The following FAM13B variants were observed in gnomAD, a reference collection of about 807,000 sequenced individuals.
FAM13B encodes protein FAM13B.
In FAM13B, 60 loss-of-function variants were observed where a neutral mutation model predicts 117.3. That is an observed-to-expected ratio of 0.51 (90% CI 0.42 to 0.63). FAM13B has a LOEUF of 0.63. FAM13B is among the 30% of genes least tolerant of loss of function. The pLI, the probability that FAM13B is intolerant of heterozygous loss-of-function variation, is 0.00. For synonymous variants in FAM13B, 332 were observed against 356.1 expected (o/e 0.93, Z 0.76); for missense variants, 972 against 1,091.9 (o/e 0.89, Z 1.55).
rs374850744 is a variant in FAM13B, at chr5:137,958,545, C to G, written c.1441+1071G>C. Among the ~76,000 whole-genome samples, 98 of 152,240 alleles carry G rather than the reference C, an allele frequency of 6.4e-4. 2 individuals carry two copies. In the East Asian group the frequency reaches 0.016, roughly 25 times the overall value. ...GTCCGTGGCACTGGCATTAGAATTCCTGTTATTGCCAGTGTATGTCAACAG... is the reference window on the plus strand; with the variant it reads ...GTCCGTGGCACTGGCATTAGAATTCGTGTTATTGCCAGTGTATGTCAACAG... On this transcript the variant is annotated intron_variant, in intron 13 of 23. Transcript: ENST00000689681.
In FAM13B at chr5:137,959,625, T is replaced by C. The variant is rs1246534462; in HGVS notation, c.1432A>G (p.Lys478Glu). 1 of 1,613,836 alleles carries C rather than the reference T, an allele frequency of 6.2e-7. No individual in the cohort carries two copies. The highest frequency in any genetic ancestry group is 1.1e-5 in the South Asian group (1 of 91,012). The stretch of plus-strand genomic sequence containing the variant: ...GTGTGGGTAAAATTACCTTCCCATT[T>C]ATCACCATCAGAAACATTCTTCAGA... ...LDLKNVSDGD[K>E]WEASCPITFP... The change falls in exon 13 of 24, where the codon AAA (lysine) becomes GAA (glutamate). Residue 478 changes from lysine (K) to glutamate (E), a missense_variant. By Grantham distance (56) the Lys-to-Glu change is moderately conservative. Transcript: ENST00000689681.
In FAM13B at chr5:137,940,353, G is replaced by A; in HGVS notation, c.2691-5C>T. ...CGATCCTCTTTCTGGGCATTCCTAG[G>A]GGAGAAAATAAAATTTGTAATGTTC... On this transcript the variant is annotated splice_polypyrimidine_tract_variant and splice_region_variant and intron_variant, in intron 23 of 23. Transcript: ENST00000689681. 1.3e-6 allele frequency: 2 copies of A among 1,582,502 alleles called. No homozygotes were observed. The highest frequency in any genetic ancestry group is 1.7e-6 in the Non-Finnish European group (2 of 1,165,580).
Position 138,019,012 on chromosome 5 carries a change from G to A in FAM13B, c.100C>T (p.Pro34Ser). ...PLDELQQGGH[P>S]DNEVPFIVRH... Reference sequence around the variant, plus strand: ...ACTATGAATGGAACCTCATTGTCTGGATGTCCTCCCTGCTGCAGCTCATCA... The same window carrying A: ...ACTATGAATGGAACCTCATTGTCTGAATGTCCTCCCTGCTGCAGCTCATCA... The change falls in exon 3 of 24, where the codon CCA becomes TCA. Residue 34 changes from proline to serine, a missense_variant. Coordinates refer to ENST00000689681, the MANE Select transcript of FAM13B (RefSeq NM_001385994.1). 6 of 1,614,106 alleles carry A rather than the reference G, an allele frequency of 3.7e-6. No homozygotes were observed. The highest frequency in any genetic ancestry group is 5.1e-6 in the Non-Finnish European group (6 of 1,180,012).
intron 18 of FAM13B, among the ~76,000 whole-genome samples, chr5:137,947,079 T>C (rs368438160): frequency 2.0e-5 from 3 of 152,246 alleles, no homozygotes; most frequent in African/African-American, 7.2e-5. Context: ...ATGGTAAGTC[T>C]CGCATACTCT....
intron 10 of FAM13B, among the ~76,000 whole-genome samples, chr5:137,977,499 C>T (rs529053562): frequency 6.6e-6 from 1 of 152,240 alleles, no homozygotes; most frequent in South Asian, 2.1e-4. Flanking sequence ...TGTGATGTCT[C>T]CCCCGGATGC....
intron 11 of FAM13B, among the ~76,000 whole-genome samples, chr5:137,961,639 T>G (rs1768154761): frequency 1.3e-5 from 2 of 152,156 alleles, no homozygotes; most frequent in South Asian, 4.1e-4. Context: ...AGAATACAAA[T>G]ATGTCCTGGC....
chr5:137,952,676 C>A lies in FAM13B; in HGVS notation c.1882G>T (p.Val628Leu), dbSNP rs748577466. Reference protein sequence around the residue: ...SYSDIAANPKVLKWMTELTKL... With the variant: ...SYSDIAANPKLLKWMTELTKL... Reference sequence around the variant, plus strand: ...GTAAGCTCTGTCATCCATTTTAATACCTTTGGATTGGCAGCAATATCACTG... The same window carrying A: ...GTAAGCTCTGTCATCCATTTTAATAACTTTGGATTGGCAGCAATATCACTG... The change falls in exon 17 of 24, where the codon GTA (valine) becomes TTA (leucine). Residue 628 changes from valine to leucine, a missense_variant. Physicochemically the swap from Val to Leu is conservative, Grantham distance 32. Transcript: ENST00000689681. 11 of 1,605,944 alleles carry A rather than the reference C, an allele frequency of 6.8e-6. No homozygotes were observed. Among genetic ancestry groups the A allele is most frequent in the African/African-American group, 1.3e-5 (1 of 74,748 alleles).
intron 6 of FAM13B, among the ~76,000 whole-genome samples, chr5:138,009,792 G>A (rs1258463636): frequency 5.6e-5 from 6 of 107,314 alleles, no homozygotes; most frequent in East Asian, 6.2e-4. Flanking sequence ...GCGACAGAGC[G>A]AGACTGTCTC....
chr5:137,941,937 A>C lies in FAM13B; in HGVS notation c.2690+7T>G, dbSNP rs995702694. 25 of 1,611,358 alleles carry C rather than the reference A, an allele frequency of 1.6e-5. No homozygotes were observed. The highest frequency in any genetic ancestry group is 2.1e-5 in the Non-Finnish European group (25 of 1,177,862). The stretch of plus-strand genomic sequence containing the variant: ...AAGATGACTCAATTTTGTGATGCTC[A>C]ACAAACCTTCCATTTTGTTGATAAA... On this transcript the variant is annotated splice_region_variant and intron_variant, in intron 23 of 23. Coordinates refer to ENST00000689681, the MANE Select transcript of FAM13B (RefSeq NM_001385994.1).
intron 1 of FAM13B, 67 bp downstream of exon 1, chr5:138,032,715 A>C (rs1437558831): frequency 1.0e-6 from 1 of 985,354 alleles, no homozygotes; most frequent in Admixed American, 6.1e-5. Flanking sequence ...GGGCAACAGG[A>C]GGGGAAGGGC....
chr5:137,990,935 T>G (rs1206948086), intron 7 of FAM13B, among the ~76,000 whole-genome samples: 1 of 152,304 alleles, frequency 6.6e-6, no homozygotes, highest in Middle Eastern at 3.4e-3. Flanking sequence ...GGAAATCTAT[T>G]TAGTAATGCA....
intron 10 of FAM13B, among the ~76,000 whole-genome samples, chr5:137,965,297 G>C (rs1408254414): frequency 3.3e-5 from 5 of 152,200 alleles, no homozygotes; most frequent in Non-Finnish European, 7.3e-5. Flanking sequence ...AGGTGCTCTG[G>C]TCTCAATTCA....
At chr5:138,001,622 G>A (rs917996091) in intron 7 of FAM13B, among the ~76,000 whole-genome samples, 7 of 152,080 alleles carry the variant, frequency 4.6e-5, no homozygotes, top group African/African-American at 1.7e-4. Flanking sequence ...GCTGTCTCAT[G>A]GTTTACTTTC....
At chr5:138,000,949 A>G (rs1020179958) in intron 7 of FAM13B, among the ~76,000 whole-genome samples, 1 of 151,908 alleles carries the variant, frequency 6.6e-6, no homozygotes, top group Non-Finnish European at 1.5e-5. Context: ...AAAACAAAAA[A>G]AAAAAAAACA....
intron 4 of FAM13B, among the ~76,000 whole-genome samples, chr5:138,012,606 T>C (rs1213179342): frequency 1.3e-5 from 2 of 152,224 alleles, no homozygotes; most frequent in Admixed American, 1.3e-4. Context: ...CTTGTATTTA[T>C]CGTGTCAATG....
intron 10 of FAM13B, among the ~76,000 whole-genome samples, chr5:137,975,926 C>T (rs559769875): frequency 8.8e-4 from 129 of 147,246 alleles, no homozygotes; most frequent in African/African-American, 2.8e-3. Flanking sequence ...AAATGGGGGA[C>T]GGGAGTGGGG....
chr5:137,991,152 ACCTATAG>A (rs1384544744), intron 7 of FAM13B, among the ~76,000 whole-genome samples: 1 of 152,204 alleles, frequency 6.6e-6, no homozygotes, highest in Non-Finnish European at 1.5e-5. Flanking sequence ...GTATAAGAAC[ACCTATAG>A]CCCCAACATT....
At chr5:137,944,969 G>A (rs530621158) in intron 20 of FAM13B, among the ~76,000 whole-genome samples, 1 of 149,964 alleles carries the variant, frequency 6.7e-6, no homozygotes, top group Non-Finnish European at 1.5e-5. Context: ...GGGAGGGAGG[G>A]GGGCAAGGAA....
At chr5:138,013,527 T>G (rs1784566607) in intron 4 of FAM13B, among the ~76,000 whole-genome samples, 1 of 151,982 alleles carries the variant, frequency 6.6e-6, no homozygotes, top group Non-Finnish European at 1.5e-5. Context: ...ATTTTAAGTT[T>G]ATCAGGAAAG....
Sources: allele counts gnomAD v4.1 joint callset (sites outside exome capture counted in the v4.1 genomes callset), GRCh38; gene constraint gnomAD v4.1.1; transcripts MANE v1.5; gene names NCBI Gene and HGNC (gene_info 2026-07-23, HGNC 2026-07-21).